The following ROBO1 variants were observed in gnomAD, a reference collection of about 807,000 sequenced individuals.
The protein encoded by ROBO1 is roundabout homolog 1.
A neutral mutation model predicts 195.9 loss-of-function variants in ROBO1; 149 were observed. The ratio of observed to expected loss-of-function variants is 0.76; its 90% CI spans 0.67 to 0.87. The LOEUF (loss-of-function observed/expected upper bound fraction) is 0.87. ROBO1 is among the 40% of genes least tolerant of loss of function. ROBO1 has a pLI of 0.00. For missense variants in ROBO1, 1,933 were observed against 2,068.3 expected (o/e 0.93, Z 1.27); for synonymous variants, 816 against 733.2 (o/e 1.11, Z -1.82).
rs1010232597 is a variant in ROBO1, at chr3:78,876,874, AT to A, written c.499+61726del. 8.2e-3 allele frequency among the ~76,000 whole-genome samples: 1,226 copies of A among 149,066 alleles called. 15 individuals are homozygous for A. The highest frequency in any genetic ancestry group is 0.026 in the African/African-American group (1,070 of 40,910). On this transcript the variant is annotated intron_variant, in intron 4 of 30. Coordinates refer to ENST00000464233, the MANE Select transcript of ROBO1 (RefSeq NM_002941.4). ...AGGTGTATCTTTAAAATTCCACTAG[AT>A]TTTTTTTTTTCTATTTGAACTATTA...
intron 1 of ROBO1, among the ~76,000 whole-genome samples, chr3:79,759,950 A>T (rs1704597025): frequency 6.6e-6 from 1 of 152,180 alleles, no homozygotes; most frequent in East Asian, 1.9e-4. Flanking sequence ...AAAAAGCAAA[A>T]CTGAGGCGGG....
chr3:78,690,545 C>A (rs558163556), intron 8 of ROBO1, among the ~76,000 whole-genome samples: 7 of 151,996 alleles, frequency 4.6e-5, no homozygotes, highest in Non-Finnish European at 5.9e-5. Context: ...TAGGCGAGGG[C>A]ATCACTGCTT....
intron 2 of ROBO1, among the ~76,000 whole-genome samples, chr3:79,136,831 G>C (rs1054326371): frequency 2.0e-5 from 3 of 151,914 alleles, no homozygotes; most frequent in Admixed American, 2.0e-4. Context: ...TAGAGATTGA[G>C]AGGAAAAAAA....
At chr3:79,218,503 T>C (rs2082088628) in intron 2 of ROBO1, among the ~76,000 whole-genome samples, 1 of 151,986 alleles carries the variant, frequency 6.6e-6, no homozygotes, top group South Asian at 2.1e-4. Context: ...TCTCTTATAC[T>C]GAATCCTATT....
At chr3:79,296,639 T>G (rs2032611999) in intron 2 of ROBO1, among the ~76,000 whole-genome samples, 1 of 152,162 alleles carries the variant, frequency 6.6e-6, no homozygotes, top group African/African-American at 2.4e-5. Flanking sequence ...TTAAAGGAAT[T>G]TAAGGACACT....
At chr3:79,475,340 G>C (rs1418574521) in intron 2 of ROBO1, among the ~76,000 whole-genome samples, 1 of 151,880 alleles carries the variant, frequency 6.6e-6, no homozygotes, top group African/African-American at 2.4e-5. Context: ...AGATAAGTCT[G>C]GGTGAGGTTC....
chr3:79,460,524 G>T (rs1011278446), intron 2 of ROBO1, among the ~76,000 whole-genome samples: 18 of 152,152 alleles, frequency 1.2e-4, no homozygotes, highest in African/African-American at 4.3e-4. Context: ...AAAATTTAAT[G>T]ATCCTTGTCA....
chr3:79,609,785 G>T (rs528104932), intron 1 of ROBO1, among the ~76,000 whole-genome samples: 1 of 151,926 alleles, frequency 6.6e-6, no homozygotes, highest in South Asian at 2.1e-4. Flanking sequence ...CATATGAGGT[G>T]TTTCAGATAG....
chr3:79,616,816 G>A (rs534600393), intron 1 of ROBO1, among the ~76,000 whole-genome samples: 19 of 152,200 alleles, frequency 1.2e-4, no homozygotes, highest in South Asian at 4.1e-4. Flanking sequence ...CATCCCCACC[G>A]AAATTGTGTC....
At chr3:78,866,358 C>T (rs554597189) in intron 4 of ROBO1, among the ~76,000 whole-genome samples, 26 of 152,260 alleles carry the variant, frequency 1.7e-4, no homozygotes, top group East Asian at 3.9e-4. Context: ...GGGTGTCCCT[C>T]GGATCACCAG....
At chr3:79,557,741 A>ATAT (rs1487088851) in intron 2 of ROBO1, among the ~76,000 whole-genome samples, 1,713 of 105,800 alleles carry the variant, frequency 0.016, 20 homozygotes, top group African/African-American at 0.033. Flanking sequence ...AAAACAAAAA[A>ATAT]AAATATATAT....
chr3:79,341,919 T>C (rs1010434272), intron 2 of ROBO1, among the ~76,000 whole-genome samples: 5 of 152,084 alleles, frequency 3.3e-5, no homozygotes, highest in African/African-American at 1.2e-4. Flanking sequence ...AACACTACAA[T>C]GAGTAAGTGG....
At chr3:78,834,677 T>C (rs1316860457) in intron 4 of ROBO1, among the ~76,000 whole-genome samples, 1 of 152,114 alleles carries the variant, frequency 6.6e-6, no homozygotes, top group Non-Finnish European at 1.5e-5. Context: ...CTAAATCTAC[T>C]GACAATCTTC....
In ROBO1 at chr3:78,625,073, A is replaced by G. The variant is rs370599114; in HGVS notation, c.3875+2248T>C. On this transcript the variant is annotated intron_variant, in intron 26 of 30. Transcript: ENST00000464233. Reference sequence around the variant, plus strand: ...TGACTCTGAATGGGGGAACATTACCAGACTTCTTGTGTGCAAATAAAAATA... The same window carrying G: ...TGACTCTGAATGGGGGAACATTACCGGACTTCTTGTGTGCAAATAAAAATA... Among the ~76,000 whole-genome samples, 424 of 152,318 alleles carry G rather than the reference A, an allele frequency of 2.8e-3. 4 individuals are homozygous for G. The highest frequency in any genetic ancestry group is 9.6e-3 in the African/African-American group (400 of 41,576).
chr3:79,154,203 G>C lies in ROBO1; in HGVS notation c.89-28664C>G, dbSNP rs1259953357. ...TTGAGTGAATACTGCTTTAAAACAT[G>C]TAATATTAATAAAAAATGACAAGCC... is the stretch of plus-strand genomic sequence containing the variant. On this transcript the variant is annotated intron_variant, in intron 2 of 30. Transcript: ENST00000464233. Among the ~76,000 whole-genome samples the C allele has an allele frequency of 5.9e-5, 9 of 151,768 alleles. No individual in the cohort carries two copies. The East Asian group carries it at 1.8e-3, about 30-fold the overall frequency.
At chr3:79,177,559 C>T (rs1383602989) in intron 2 of ROBO1, among the ~76,000 whole-genome samples, 2 of 152,194 alleles carry the variant, frequency 1.3e-5, no homozygotes, top group African/African-American at 2.4e-5. Flanking sequence ...GAATGATTTC[C>T]TCTCATGGAC....
At chr3:78,607,141 T>A in intron 28 of ROBO1, 100 bp from the exon 29 acceptor site, 1 of 1,151,354 alleles carries the variant, frequency 8.7e-7, no homozygotes, top group Non-Finnish European at 1.2e-6. Context: ...TACGAGATAC[T>A]ATATCTTAGA....
chr3:79,002,473 C>T (rs913250530), intron 3 of ROBO1, among the ~76,000 whole-genome samples: 3 of 152,074 alleles, frequency 2.0e-5, no homozygotes, highest in African/African-American at 4.8e-5. Flanking sequence ...ATCTATCCCT[C>T]ATTTACAGAT....
chr3:79,110,109 A>G (rs2108530470), intron 3 of ROBO1, among the ~76,000 whole-genome samples: 1 of 152,218 alleles, frequency 6.6e-6, no homozygotes, highest in Non-Finnish European at 1.5e-5. Context: ...CCCTTCAGGT[A>G]CAAAATGGGG....
Sources: allele counts gnomAD v4.1 joint callset (sites outside exome capture counted in the v4.1 genomes callset), GRCh38; gene constraint gnomAD v4.1.1; transcripts MANE v1.5; gene names NCBI Gene and HGNC (gene_info 2026-07-23, HGNC 2026-07-21).